Variants in CPAMD8 observed in about 807,000 individuals in gnomAD.
The protein encoded by CPAMD8 is C3 and PZP like alpha-2-macroglobulin domain containing 8.
CPAMD8 carries 146 observed loss-of-function variants against 224.7 expected under a neutral mutation model. The ratio of observed to expected loss-of-function variants is 0.65; its 90% confidence interval spans 0.57 to 0.75. The LOEUF (loss-of-function observed/expected upper bound fraction) is 0.75. Ranked by LOEUF, CPAMD8 falls within the 30% of genes least tolerant of loss-of-function variation. The pLI, the probability that CPAMD8 is intolerant of heterozygous loss-of-function variation, is 0.00. For synonymous variants in CPAMD8, 966 were observed against 1,044.6 expected, an observed-to-expected ratio of 0.92 and a Z score of 1.45; for missense variants, 2,301 against 2,537.5, an observed-to-expected ratio of 0.91 and a Z score of 2.00.
chr19:16,972,051 G>A (rs1169590788), intron 17 of CPAMD8, among the ~76,000 whole-genome samples: 1 of 151,814 alleles, frequency 6.6e-6, no homozygotes, highest in East Asian at 1.9e-4. Context: ...CATCTCAAAA[G>A]AAAAAGAAAA....
At chr19:16,967,252 T>C (rs557022205) in intron 18 of CPAMD8, among the ~76,000 whole-genome samples, 4 of 146,904 alleles carry the variant, frequency 2.7e-5, no homozygotes, top group Non-Finnish European at 5.9e-5. Flanking sequence ...GAAAACCAAA[T>C]ACTGCATGTT....
chr19:16,933,754 C>T (rs1457062018), intron 23 of CPAMD8, among the ~76,000 whole-genome samples: 1 of 152,136 alleles, frequency 6.6e-6, no homozygotes, highest in Admixed American at 6.6e-5. Context: ...ACAAAATGGC[C>T]TGAGCACTTT....
chr19:16,977,295 C>A (rs993353459), intron 15 of CPAMD8, 73 bp downstream of exon 15: 5 of 949,904 alleles, frequency 5.3e-6, no homozygotes, highest in Non-Finnish European at 6.7e-6. Context: ...TGTGCACAGA[C>A]CCCCTGGCCA....
At chr19:17,003,881 A>G (rs1421925629) in intron 8 of CPAMD8, among the ~76,000 whole-genome samples, 1 of 150,148 alleles carries the variant, frequency 6.7e-6, no homozygotes, top group East Asian at 2.0e-4. Flanking sequence ...CCACCTCTTC[A>G]CTGCCATCTT....
At chr19:16,945,408 G>A in intron 22 of CPAMD8, 141 bp downstream of exon 22, 2 of 1,079,394 alleles carry the variant, frequency 1.9e-6, no homozygotes, top group Non-Finnish European at 2.6e-6. Flanking sequence ...GAAAGTCCAG[G>A]CACCTGAGCT....
At position 16,914,462 on chromosome 19, in the gene CPAMD8, C is replaced by A; in HGVS notation, c.3823G>T (p.Val1275Leu). 6.2e-7 allele frequency: 1 copy of A among 1,614,212 alleles called. No homozygotes were observed. Among genetic ancestry groups the A allele is most frequent in the East Asian group, 2.2e-5 (1 of 44,884 alleles). The change falls in exon 29 of 42, where the codon GTG becomes TTG. Residue 1275 changes from valine to leucine, a missense_variant. Val to Leu is a conservative substitution (Grantham distance 32). Transcript: ENST00000443236. ...IHGTVPLTAY[V>L]VVALLETGTA... The stretch of plus-strand genomic sequence containing the variant: ...CCTGTTTCCAGGAGAGCAACCACCA[C>A]GTAGGCTGTCAGCGGGACAGTGCCG...
chr19:16,952,004 G>A lies in CPAMD8; in HGVS notation c.2473C>T (p.Leu825Phe), dbSNP rs2054312188. ...GTGCCCATGTAGTTGTAGACACTGA[G>A]CGGGATCTTGACCTGCTCCCCACGG... ...IIRGEQVKIP[L>F]SVYNYMGTCA... Residue 825 changes from leucine to phenylalanine, a missense_variant, in exon 20 of 42, where the codon CTC becomes TTC. This residue lies in a region of CPAMD8 where 1,709 missense variants were observed against 1,753.2 expected (regional missense o/e 0.97). Transcript: ENST00000443236. 6.3e-7 allele frequency: 1 copy of A among 1,582,524 alleles called. No homozygotes were observed. The highest frequency in any genetic ancestry group is 1.8e-5 in the Admixed American group (1 of 55,242).
At chr19:16,993,081 G>A (rs1456754946) in intron 12 of CPAMD8, among the ~76,000 whole-genome samples, 1 of 152,166 alleles carries the variant, frequency 6.6e-6, no homozygotes, top group Non-Finnish European at 1.5e-5. Context: ...TCTGATTACA[G>A]TATAATCACG....
At chr19:16,925,809 A>G (rs1248117426) in intron 25 of CPAMD8, among the ~76,000 whole-genome samples, 1 of 151,904 alleles carries the variant, frequency 6.6e-6, no homozygotes. Context: ...GCTGGAGTAT[A>G]GTGGCACAAT....
In CPAMD8 at chr19:16,997,309, G is replaced by A. The variant is rs780179466; in HGVS notation, c.897C>T (p.Cys299=). The change falls in exon 11 of 42, where the codon TGC becomes TGT. Residue 299 remains cysteine, a synonymous_variant. Transcript: ENST00000443236. ...KILGSRDFDI[C]VRDMIPADVP... is the part of the protein sequence containing the mutation. The stretch of plus-strand genomic sequence containing the variant: ...CGTCCGCTGGGATCATGTCCCTCAC[G>A]CAGATGTCGAAGTCCCGGGAGCCGA... 45 of 1,580,728 alleles carry A rather than the reference G, an allele frequency of 2.8e-5. No individual in the cohort carries two copies. Among genetic ancestry groups the A allele is most frequent in the Admixed American group, 1.3e-4 (7 of 55,864 alleles).
intron 8 of CPAMD8, among the ~76,000 whole-genome samples, chr19:17,003,205 C>T (rs1410879461): frequency 1.4e-5 from 2 of 146,936 alleles, no homozygotes; most frequent in Non-Finnish European, 3.0e-5. Flanking sequence ...GCCTGGCCAC[C>T]TTTTTTTTTT....
In CPAMD8 at chr19:16,928,247, AC is replaced by A; in HGVS notation, c.3145-14del. Reference sequence around the variant, plus strand: ...GACCATGGCCAACCTGGAAAAAGAAACCAAGGCTGCTGGACGCTGGCAGGAA... The same window carrying A: ...GACCATGGCCAACCTGGAAAAAGAAACAAGGCTGCTGGACGCTGGCAGGAA... On this transcript the variant is annotated splice_polypyrimidine_tract_variant and intron_variant, in intron 24 of 41. Coordinates refer to ENST00000443236, the MANE Select transcript of CPAMD8 (RefSeq NM_015692.5). 1.2e-6 allele frequency: 2 copies of A among 1,606,336 alleles called. No homozygotes were observed. Among genetic ancestry groups the A allele is most frequent in the Non-Finnish European group, 1.7e-6 (2 of 1,174,098 alleles).
intron 3 of CPAMD8, among the ~76,000 whole-genome samples, chr19:17,020,029 C>T (rs2056914068): frequency 7.5e-6 from 1 of 132,982 alleles, no homozygotes; most frequent in South Asian, 2.3e-4. Flanking sequence ...GGCTGGAGTG[C>T]AATGGTGCAA....
Position 16,937,049 on chromosome 19 carries a change from C to G in CPAMD8, c.2845+1346G>C, listed in dbSNP as rs543324649. On this transcript the variant is annotated intron_variant, in intron 23 of 41. Transcript: ENST00000443236. ...CCCTTCCTCTTTCCTTTCTCCCTTC[C>G]TTCCTTCCCTCCTGCCTTCCTTCCT... 3.0e-3 allele frequency among the ~76,000 whole-genome samples: 394 copies of G among 133,102 alleles called. 1 individual carries two copies. Among genetic ancestry groups the G allele is most frequent in the Middle Eastern group, 7.2e-3 (2 of 278 alleles). The allele number at this position is 133,102 out of a possible 152,430, so 87.3% of individuals were successfully genotyped here.
Position 16,987,446 on chromosome 19 carries a change from T to C in CPAMD8, c.1395+2197A>G, listed in dbSNP as rs1157680503. 2.6e-5 allele frequency among the ~76,000 whole-genome samples: 4 copies of C among 151,670 alleles called. No homozygotes were observed. The East Asian group carries it at 7.7e-4, about 29-fold the overall frequency. The stretch of plus-strand genomic sequence containing the variant: ...GGAAGAAGACCTTTACAATGATCCA[T>C]TCCCACTTCACGAACAGTCAAGATA... On this transcript the variant is annotated intron_variant, in intron 13 of 41. Transcript: ENST00000443236.
At chr19:16,976,492 G>A (rs907803598) in intron 15 of CPAMD8, among the ~76,000 whole-genome samples, 2 of 151,964 alleles carry the variant, frequency 1.3e-5, no homozygotes, top group African/African-American at 2.4e-5. Context: ...ATGAAAAAAA[G>A]AAACTTGGTT....
At chr19:16,981,577 C>T (rs866882424) in intron 13 of CPAMD8, among the ~76,000 whole-genome samples, 1 of 152,042 alleles carries the variant, frequency 6.6e-6, no homozygotes, top group African/African-American at 2.4e-5. Context: ...GATGCTAAGG[C>T]CCCACATTGA....
At chr19:16,993,329 A>AC in intron 12 of CPAMD8, 87 bp downstream of exon 12, 1 of 1,116,254 alleles carries the variant, frequency 9.0e-7, no homozygotes, top group East Asian at 2.5e-5. Flanking sequence ...CTCCAGGCCC[A>AC]CTGATCAGGT....
At chr19:16,994,874 C>T (rs2056076652) in intron 11 of CPAMD8, among the ~76,000 whole-genome samples, 1 of 152,050 alleles carries the variant, frequency 6.6e-6, no homozygotes, top group African/African-American at 2.4e-5. Flanking sequence ...CACTTTTGGC[C>T]TCAAGTGGTC....
Sources: allele counts gnomAD v4.1 joint callset (sites outside exome capture counted in the v4.1 genomes callset), GRCh38; gene constraint gnomAD v4.1.1; regional missense constraint gnomAD v4.1.1; transcripts MANE v1.5; gene names NCBI Gene and HGNC (gene_info 2026-07-23, HGNC 2026-07-21).